Variants in SEMA3C observed in about 807,000 individuals in gnomAD.
SEMA3C encodes the protein semaphorin 3C.
SEMA3C carries 47 observed loss-of-function variants against 89.4 expected under a neutral mutation model. The observed-to-expected ratio is 0.53, with a 90% CI of 0.42 to 0.67. The LOEUF (loss-of-function observed/expected upper bound fraction) is 0.67, where lower values mean the gene tolerates loss of function less well. Ranked by LOEUF, SEMA3C falls within the 30% of genes least tolerant of loss-of-function variation. The probability of loss-of-function intolerance (pLI) is 0.00; values close to 1 mark genes in which losing one functional copy is unlikely to be tolerated. For synonymous variants in SEMA3C, 310 were observed against 320.2 expected, an observed-to-expected ratio of 0.97 and a Z score of 0.34; for missense variants, 839 against 929.1, an observed-to-expected ratio of 0.90 and a Z score of 1.26.
intron 2 of SEMA3C, among the ~76,000 whole-genome samples, chr7:80,885,727 C>T (rs1421690695): frequency 6.8e-6 from 1 of 147,878 alleles, no homozygotes; most frequent in Non-Finnish European, 1.5e-5. Context: ...AAGTTTTAAA[C>T]ACATGAGTCA....
intron 5 of SEMA3C, chr7:80,815,869 T>C (rs1426273661): frequency 6.6e-6 from 1 of 152,104 alleles, no homozygotes; most frequent in Non-Finnish European, 1.5e-5. Context: ...TTGAAACAGA[T>C]GTTATGAAAA....
Position 80,804,242 on chromosome 7 carries a change from A to G in SEMA3C, c.665T>C (p.Met222Thr). 6.3e-7 allele frequency: 1 copy of G among 1,593,178 alleles called. No individual in the cohort carries two copies. The highest frequency in any genetic ancestry group is 8.5e-7 in the Non-Finnish European group (1 of 1,170,222). The change falls in exon 8 of 18, where the codon ATG becomes ACG. Residue 222 changes from methionine to threonine, a missense_variant. By Grantham distance (81) the Met-to-Thr change is moderately conservative. Coordinates refer to ENST00000265361, the MANE Select transcript of SEMA3C (RefSeq NM_006379.5). ...TGGGATGACATGTGCATCTACAAAC[A>G]TAGGTTCTAGAAAAAAAGGTAAAAG... ...QHNSKWLSEP[M>T]FVDAHVIPDG...
At position 80,888,097 on chromosome 7, in the gene SEMA3C, C is replaced by T. The variant is rs187037133; in HGVS notation, c.103+28582G>A. Among the ~76,000 whole-genome samples the T allele has an allele frequency of 2.6e-5, 4 of 152,152 alleles. No individual in the cohort carries two copies. In the East Asian group the frequency reaches 7.7e-4, roughly 29 times the overall value. ...AACTATGAAAACTCAGAAATGATTC[C>T]TGAGTCTCTAGGCAACTTAAAAAGA... On this transcript the variant is annotated intron_variant, in intron 2 of 17. Transcript: ENST00000265361.
intron 15 of SEMA3C, among the ~76,000 whole-genome samples, chr7:80,752,209 C>G (rs2117035021): frequency 6.6e-6 from 1 of 152,250 alleles, no homozygotes; most frequent in African/African-American, 2.4e-5. Flanking sequence ...TAAAATTTCT[C>G]TAGTTGTTCC....
chr7:80,794,343 A>T (rs1299213510), intron 11 of SEMA3C, among the ~76,000 whole-genome samples: 2 of 152,180 alleles, frequency 1.3e-5, no homozygotes, highest in African/African-American at 4.8e-5. Context: ...TATTTATTTT[A>T]AAAATTTTAT....
At chr7:80,747,494 G>A (rs1787828927) in intron 17 of SEMA3C, among the ~76,000 whole-genome samples, 1 of 152,030 alleles carries the variant, frequency 6.6e-6, no homozygotes, top group Admixed American at 6.6e-5. Flanking sequence ...TTTTCTGGAA[G>A]GATTGTTCAC....
chr7:80,909,077 AGT>A (rs1017837209), intron 2 of SEMA3C, among the ~76,000 whole-genome samples: 6 of 151,950 alleles, frequency 3.9e-5, no homozygotes, highest in African/African-American at 1.4e-4. Flanking sequence ...AGACGATGTG[AGT>A]GTGTGTATGT....
chr7:80,846,139 G>T (rs543826644), intron 2 of SEMA3C, among the ~76,000 whole-genome samples: 1 of 152,176 alleles, frequency 6.6e-6, no homozygotes, highest in Non-Finnish European at 1.5e-5. Context: ...CTCATCTAAA[G>T]GGAAAATTTC....
intron 2 of SEMA3C, among the ~76,000 whole-genome samples, chr7:80,860,419 T>C (rs1218028842): frequency 6.6e-6 from 1 of 152,170 alleles, no homozygotes; most frequent in Non-Finnish European, 1.5e-5. Flanking sequence ...CCATCATATT[T>C]CCATTAACAT....
intron 2 of SEMA3C, among the ~76,000 whole-genome samples, chr7:80,878,819 G>A (rs1791261999): frequency 6.6e-6 from 1 of 152,104 alleles, no homozygotes; most frequent in East Asian, 1.9e-4. Context: ...AGAATGTGGA[G>A]TGTGATCCTA....
Position 80,742,696 on chromosome 7 carries a change from C to T in SEMA3C, c.*2198G>A, listed in dbSNP as rs1787710029. On this transcript the variant is annotated 3_prime_UTR_variant, in exon 18 of 18. Coordinates refer to ENST00000265361, the MANE Select transcript of SEMA3C (RefSeq NM_006379.5). ...GCTAAAATCTATTCACAAACTTACACTTTGGAAAAAAGTGTATTTCTAGAA... is the reference window on the plus strand; with the variant it reads ...GCTAAAATCTATTCACAAACTTACATTTTGGAAAAAAGTGTATTTCTAGAA... The T allele has an allele frequency of 6.6e-6, 1 of 151,736 alleles. No homozygotes were observed. Among genetic ancestry groups the T allele is most frequent in the Non-Finnish European group, 1.5e-5 (1 of 67,794 alleles). The allele number at this position is 151,736 out of a possible 1,614,324, so 9.4% of individuals were successfully genotyped here. A position where few individuals can be genotyped will look rare whatever the true frequency, so the allele number is the denominator to read the frequency against.
rs1006600839 is a variant in SEMA3C at position 80,810,723 on chromosome 7, A to T, written c.448-22T>A. ...GGTCCTTTATTGTAGATAAAATTTA[A>T]AATGTGGCAATGATAACTTATTTAG... On this transcript the variant is annotated intron_variant, in intron 5 of 17. Transcript: ENST00000265361. 3.9e-6 allele frequency: 6 copies of T among 1,557,610 alleles called. No homozygotes were observed. The Admixed American group carries it at 8.4e-5, about 22-fold the overall frequency.
chr7:80,919,596 G>C (rs181176067), upstream of SEMA3C, among the ~76,000 whole-genome samples: 15 of 148,200 alleles, frequency 1.0e-4, no homozygotes, highest in East Asian at 3.0e-3. Flanking sequence ...TTTTTGTTTT[G>C]TTTTTGGAGA....
chr7:80,791,052 C>T (rs1788928727), intron 11 of SEMA3C, among the ~76,000 whole-genome samples: 1 of 151,984 alleles, frequency 6.6e-6, no homozygotes, highest in Admixed American at 6.6e-5. Flanking sequence ...ACAGGGGCCT[C>T]AATTCTGGCC....
intron 5 of SEMA3C, 128 bp downstream of exon 5, chr7:80,818,171 A>T: frequency 1.2e-6 from 1 of 866,826 alleles, no homozygotes; most frequent in Non-Finnish European, 1.7e-6. Context: ...AATGTAATAT[A>T]GTTTGTATTT....
At chr7:80,820,204 T>C (rs896174138) in intron 4 of SEMA3C, among the ~76,000 whole-genome samples, 7 of 151,670 alleles carry the variant, frequency 4.6e-5, no homozygotes, top group Admixed American at 3.3e-4. Context: ...ATTACAGGCA[T>C]GTGCCACCAT....
At chr7:80,776,062 A>G (rs1788542402) in intron 12 of SEMA3C, among the ~76,000 whole-genome samples, 1 of 152,118 alleles carries the variant, frequency 6.6e-6, no homozygotes, top group African/African-American at 2.4e-5. Flanking sequence ...CTAAATCAGG[A>G]TACCACTATG....
At chr7:80,841,020 G>A (rs974716311) in intron 2 of SEMA3C, among the ~76,000 whole-genome samples, 1 of 152,102 alleles carries the variant, frequency 6.6e-6, no homozygotes, top group African/African-American at 2.4e-5. Context: ...GAAGTCTCAG[G>A]GTTGATCAAG....
intron 1 of SEMA3C, among the ~76,000 whole-genome samples, 169 bp from the exon 2 acceptor site, chr7:80,916,988 GATTTGATTC>G (rs1343045753): frequency 3.3e-5 from 5 of 152,150 alleles, no homozygotes; most frequent in Admixed American, 2.6e-4. Flanking sequence ...TGAAAATGTG[GATTTGATTC>G]ATTTGTGTCT....
Sources: gnomAD v4.1 joint callset for allele counts (sites outside exome capture counted in the v4.1 genomes callset) on GRCh38, gnomAD v4.1.1 for gene constraint, MANE v1.5 for transcripts, NCBI Gene and HGNC (gene_info 2026-07-23, HGNC 2026-07-21) for gene names.